IQGAP1: variants seen among roughly 807,000 people sequenced by gnomAD.
The protein encoded by IQGAP1 is IQ motif containing GTPase activating protein 1.
IQGAP1 carries 66 observed loss-of-function variants against 215.6 expected under a neutral mutation model. The ratio of observed to expected loss-of-function variants is 0.31; its 90% CI spans 0.25 to 0.38. IQGAP1 has a LOEUF of 0.38. Among genes scored for constraint, IQGAP1 ranks in the 10% least tolerant of loss-of-function variants. The probability of loss-of-function intolerance (pLI) is 1.00; values close to 1 mark genes in which losing one functional copy is unlikely to be tolerated. For synonymous variants in IQGAP1, 772 were observed against 728.7 expected (o/e 1.06, Z -0.96); for missense variants, 1,712 against 1,997.1 (o/e 0.86, Z 2.72).
At chr15:90,443,627 G>C (rs1463665315) in intron 9 of IQGAP1, 149 bp downstream of exon 9, 1 of 576,894 alleles carries the variant, frequency 1.7e-6, no homozygotes, top group East Asian at 3.0e-5. Flanking sequence ...ACAATCTTTT[G>C]TGTTTCTATG....
At position 90,494,730 on chromosome 15, in the gene IQGAP1, G is replaced by C. The variant is rs1275010878; in HGVS notation, c.4646G>C (p.Arg1549Thr). The change falls in exon 36 of 38, where the codon AGG (arginine) becomes ACG (threonine). Residue 1549 changes from arginine (R) to threonine (T), a missense_variant. Around this residue, in one of 2 missense-constraint regions of IQGAP1, gnomAD observed 691 missense variants for 923.0 expected, o/e 0.75. Coordinates refer to ENST00000268182, the MANE Select transcript of IQGAP1 (RefSeq NM_003870.4). ...ASKGKVSKKP[R>T]EMKGKKSKKI... ...TTTTACAGAGTCTCCAAAAAGCCTA[G>C]GGAAATGAAAGGAAAGAAAAGCAAA... 1.9e-6 allele frequency: 3 copies of C among 1,609,292 alleles called. No homozygotes were observed. The highest frequency in any genetic ancestry group is 2.5e-6 in the Non-Finnish European group (3 of 1,177,676).
intron 2 of IQGAP1, among the ~76,000 whole-genome samples, chr15:90,392,342 A>C (rs923842614): frequency 6.6e-6 from 1 of 152,216 alleles, no homozygotes; most frequent in Non-Finnish European, 1.5e-5. Flanking sequence ...ATTTTCTCAT[A>C]TGAAGTTTAT....
In IQGAP1 at chr15:90,486,979, C is replaced by T; in HGVS notation, c.4050C>T (p.Asp1350=). The T allele has an allele frequency of 3.1e-6, 5 of 1,614,052 alleles. No individual in the cohort carries two copies. The highest frequency in any genetic ancestry group is 4.2e-6 in the Non-Finnish European group (5 of 1,179,984). ...GGGAAAGCTCTGGCAATTTAAATGA[C>T]CCAAATAAGGAGGCACTGGCTAAGA... The part of the protein sequence containing the change: ...LIGESSGNLN[D]PNKEALAKTE... The change falls in exon 32 of 38, where the codon GAC becomes GAT. Residue 1350 remains aspartate, a synonymous_variant. Transcript: ENST00000268182.
chr15:90,491,254 A>C lies in IQGAP1; in HGVS notation c.4249-79A>C, dbSNP rs553734916. 5.1e-6 allele frequency: 6 copies of C among 1,176,406 alleles called. No homozygotes were observed. In the African/African-American group the frequency reaches 9.1e-5, roughly 18 times the overall value. The allele number at this position is 1,176,406 out of a possible 1,614,324, so 72.9% of individuals were successfully genotyped here. A position where few individuals can be genotyped will look rare whatever the true frequency, so the allele number is the denominator to read the frequency against. On this transcript the variant is annotated intron_variant, in intron 33 of 37. Transcript: ENST00000268182. ...TGGAGTTTAAGAACTGTATAAGTTC[A>C]GGTGCAAATGTGCTATATAAATTCA...
intron 2 of IQGAP1, among the ~76,000 whole-genome samples, chr15:90,417,309 T>C (rs971933654): frequency 6.6e-6 from 1 of 152,200 alleles, no homozygotes; most frequent in Non-Finnish European, 1.5e-5. Context: ...TGGTATTGCC[T>C]AGGTTTTCTT....
chr15:90,391,243 G>A (rs1964632171), intron 2 of IQGAP1: 2 of 161,514 alleles, frequency 1.2e-5, no homozygotes, highest in Non-Finnish European at 2.7e-5. Flanking sequence ...TTGGTGGGGG[G>A]AAAAAAAAGA....
chr15:90,398,561 A>G (rs1371324567), intron 2 of IQGAP1, among the ~76,000 whole-genome samples: 2 of 152,174 alleles, frequency 1.3e-5, no homozygotes, highest in Non-Finnish European at 2.9e-5. Flanking sequence ...GGAGGGGGTT[A>G]TATCCCAATA....
intron 2 of IQGAP1, among the ~76,000 whole-genome samples, chr15:90,409,514 A>G (rs1964927345): frequency 6.6e-6 from 1 of 152,170 alleles, no homozygotes; most frequent in African/African-American, 2.4e-5. Context: ...CTGGGATTAC[A>G]GACGTGAGCC....
intron 11 of IQGAP1, 121 bp from the exon 12 acceptor site, chr15:90,452,654 C>G (rs1965620324): frequency 1.5e-5 from 17 of 1,121,908 alleles, no homozygotes; most frequent in Non-Finnish European, 2.1e-5. Flanking sequence ...GACGAAAGTT[C>G]CACTTCAAAC....
At chr15:90,448,801 T>A in intron 10 of IQGAP1, 65 bp downstream of exon 10, 1 of 1,288,982 alleles carries the variant, frequency 7.8e-7, no homozygotes, top group East Asian at 3.0e-5. Context: ...CATGCTGTCA[T>A]TTAAAGATAT....
chr15:90,429,859 C>T, intron 4 of IQGAP1, 193 bp downstream of exon 4: 1 of 399,356 alleles, frequency 2.5e-6, no homozygotes, highest in Non-Finnish European at 4.5e-6. Context: ...ATACCTGTTT[C>T]ATCTTACCCT....
intron 9 of IQGAP1, among the ~76,000 whole-genome samples, chr15:90,448,043 A>G (rs1292072326): frequency 6.6e-6 from 1 of 152,210 alleles, no homozygotes. Context: ...TATGTAAGAC[A>G]TGGTTAAAGG....
rs770364975 is a variant in IQGAP1, at chr15:90,449,539, ATTTTC to A, written c.1078-16_1078-12del. The A allele has an allele frequency of 1.9e-6, 3 of 1,600,406 alleles. No individual in the cohort carries two copies. The highest frequency in any genetic ancestry group is 1.1e-5 in the South Asian group (1 of 89,252). On this transcript the variant is annotated splice_polypyrimidine_tract_variant and intron_variant, in intron 10 of 37. Coordinates refer to ENST00000268182, the MANE Select transcript of IQGAP1 (RefSeq NM_003870.4). ...CATAGGAATGAGTAATCTTTACATA[ATTTTC>A]TTTGCTTTGCTCAGAGTGGTCAGAC...
chr15:90,441,150 G>A (rs748941900), intron 7 of IQGAP1, among the ~76,000 whole-genome samples: 5 of 151,834 alleles, frequency 3.3e-5, no homozygotes, highest in East Asian at 1.9e-4. Flanking sequence ...CTACATTTCC[G>A]TGGCTCATTG....
At chr15:90,401,549 C>T (rs1230469217) in intron 2 of IQGAP1, among the ~76,000 whole-genome samples, 4 of 152,222 alleles carry the variant, frequency 2.6e-5, no homozygotes, top group Non-Finnish European at 1.5e-5. Flanking sequence ...CCCCCTCTTC[C>T]TCATTGTCAT....
rs2151016744 is a variant in IQGAP1 at position 90,433,872 on chromosome 15, G to A, written c.467+77G>A. The A allele has an allele frequency of 8.3e-6, 7 of 848,380 alleles. 1 individual carries two copies. The South Asian group carries it at 1.1e-4, about 14-fold the overall frequency. 52.6% of individuals were successfully genotyped at this position (848,380 alleles called of 1,614,324 possible). ...GAGTGTGTAGTTTTTTATCCTTGAG[G>A]TAAGAATGAAAAAGTTTTTTGATTA... On this transcript the variant is annotated intron_variant, in intron 5 of 37. Transcript: ENST00000268182.
rs760183758 is a variant in IQGAP1 at position 90,474,618 on chromosome 15, C to G, written c.2709C>G (p.Asn903Lys). 2 of 1,613,948 alleles carry G rather than the reference C, an allele frequency of 1.2e-6. No individual in the cohort carries two copies. The highest frequency in any genetic ancestry group is 1.1e-5 in the South Asian group (1 of 91,084). ...AGGTTATCACCCTCATTCGTTCTAA[C>G]CAGCAGCTGGAGAATGACCTCAATC... ...REEVITLIRS[N>K]QQLENDLNLM... is the part of the protein sequence containing the mutation. Residue 903 changes from asparagine to lysine, a missense_variant, in exon 23 of 38, where the codon AAC becomes AAG. Physicochemically the swap from Asn to Lys is moderately conservative, Grantham distance 94. Transcript: ENST00000268182.
intron 2 of IQGAP1, among the ~76,000 whole-genome samples, chr15:90,422,125 C>A (rs1487678026): frequency 2.6e-5 from 4 of 152,142 alleles, no homozygotes; most frequent in Admixed American, 2.6e-4. Flanking sequence ...TTTTAGACAG[C>A]CTGTGGAGCT....
chr15:90,448,125 G>C (rs1965549866), intron 9 of IQGAP1, among the ~76,000 whole-genome samples: 1 of 152,116 alleles, frequency 6.6e-6, no homozygotes, highest in Non-Finnish European at 1.5e-5. Context: ...TGAACTTTAG[G>C]GTTGGAGCTT....
Sources: gnomAD v4.1 joint callset for allele counts (sites outside exome capture counted in the v4.1 genomes callset) on GRCh38, gnomAD v4.1.1 for gene constraint, gnomAD v4.1.1 regional missense constraint, MANE v1.5 for transcripts, NCBI Gene and HGNC (gene_info 2026-07-23, HGNC 2026-07-21) for gene names.